Variants in DRC8 observed in about 807,000 individuals in gnomAD.
The protein encoded by DRC8 is dynein regulatory complex protein 8.
chr1:245,081,407 C>T, the DRC8 span, among the ~76,000 whole-genome samples: 2 of 152,126 alleles, frequency 1.3e-5, no homozygotes, highest in African/African-American at 4.8e-5. Context: ...GTGATCCACC[C>T]ACCTCGGCCT....
At chr1:245,109,954 G>C in the DRC8 span, among the ~76,000 whole-genome samples, 1 of 152,206 alleles carries the variant, frequency 6.6e-6, no homozygotes, top group Admixed American at 6.5e-5. Flanking sequence ...TCTTTATTAA[G>C]CGTGTGTTAT....
chr1:245,060,375 T>C, the DRC8 span, among the ~76,000 whole-genome samples: 24 of 152,080 alleles, frequency 1.6e-4, no homozygotes, highest in Non-Finnish European at 3.1e-4. Flanking sequence ...TTATGTAAAG[T>C]TAAGGAAGGG....
chr1:245,001,596 G>GAC, the DRC8 span, among the ~76,000 whole-genome samples: 1 of 152,178 alleles, frequency 6.6e-6, no homozygotes, highest in Non-Finnish European at 1.5e-5. Flanking sequence ...AGCCAGGGAG[G>GAC]TTTTCCTGTG....
chr1:245,117,037 G>C, the DRC8 span, among the ~76,000 whole-genome samples: 1 of 152,152 alleles, frequency 6.6e-6, no homozygotes, highest in Non-Finnish European at 1.5e-5. Context: ...CATTCAGATT[G>C]TTGTTATTAA....
At chr1:244,970,309 C>A in the DRC8 span, 2 of 994,136 alleles carry the variant, frequency 2.0e-6, no homozygotes, top group Non-Finnish European at 2.9e-6. Context: ...CCCCGGGATT[C>A]AGAGCGGCCC....
At chr1:245,105,312 C>G in the DRC8 span, among the ~76,000 whole-genome samples, 1 of 152,104 alleles carries the variant, frequency 6.6e-6, no homozygotes, top group Non-Finnish European at 1.5e-5. Flanking sequence ...TTGCCATTAA[C>G]ATTATTTTAG....
At chr1:245,021,175 TAATA>T in the DRC8 span, among the ~76,000 whole-genome samples, 2 of 152,148 alleles carry the variant, frequency 1.3e-5, no homozygotes, top group Admixed American at 6.5e-5. Context: ...TTAAATGAAT[TAATA>T]AATACATATT....
At chr1:245,054,287 A>G in the DRC8 span, among the ~76,000 whole-genome samples, 2 of 152,068 alleles carry the variant, frequency 1.3e-5, no homozygotes, top group East Asian at 1.9e-4. Context: ...TCTGGGCTCA[A>G]GTGATCCTCA....
the DRC8 span, among the ~76,000 whole-genome samples, chr1:245,088,315 G>GACAC: frequency 0.11 from 15,672 of 145,440 alleles, 862 homozygotes; most frequent in South Asian, 0.15. This position sits in a 1 kb window ranked among gnomAD's most constrained non-coding sequence, Gnocchi z 4.6. Flanking sequence ...GTTATAACAA[G>GACAC]ACACACACAC....
At chr1:245,059,427 C>T in the DRC8 span, 59 of 1,612,268 alleles carry the variant, frequency 3.7e-5, no homozygotes, top group East Asian at 8.5e-4. Flanking sequence ...TGCTGTCCTA[C>T]GGAAGGAGAG....
chr1:245,008,762 G>A, the DRC8 span, among the ~76,000 whole-genome samples: 2 of 149,628 alleles, frequency 1.3e-5, no homozygotes, highest in Non-Finnish European at 3.0e-5. Flanking sequence ...TTGAACTCCT[G>A]GGCTTAAGGG....
the DRC8 span, among the ~76,000 whole-genome samples, chr1:245,015,168 G>A: frequency 1.3e-5 from 2 of 152,106 alleles, no homozygotes; most frequent in African/African-American, 4.8e-5. Flanking sequence ...CCAGGCTGGC[G>A]TGCAGTAGTG....
At chr1:245,037,576 T>G in the DRC8 span, among the ~76,000 whole-genome samples, 1 of 152,296 alleles carries the variant, frequency 6.6e-6, no homozygotes, top group Non-Finnish European at 1.5e-5. Flanking sequence ...GATAAAGATA[T>G]CCGCATTTGC....
chr1:245,087,647 G>A, the DRC8 span: 44 of 1,046,476 alleles, frequency 4.2e-5, no homozygotes, highest in Admixed American at 5.5e-5. Context: ...GGTCACCTTC[G>A]AATTAATTAA....
At chr1:244,992,424 C>T in the DRC8 span, among the ~76,000 whole-genome samples, 1 of 152,152 alleles carries the variant, frequency 6.6e-6, no homozygotes, top group Non-Finnish European at 1.5e-5. Flanking sequence ...TCTTAAACAA[C>T]TAGGATTACA....
the DRC8 span, among the ~76,000 whole-genome samples, chr1:245,004,985 T>C: frequency 2.4e-4 from 37 of 152,254 alleles, no homozygotes; most frequent in Non-Finnish European, 4.6e-4. Context: ...GTTTTTATAA[T>C]GAAAAGATGT....
the DRC8 span, among the ~76,000 whole-genome samples, chr1:245,068,181 G>T: frequency 1.6e-4 from 25 of 152,122 alleles, no homozygotes; most frequent in Non-Finnish European, 3.4e-4. Flanking sequence ...TTCAAAAGTG[G>T]TTTTTTCTTT....
At chr1:244,970,654 CCGCCT>C in the DRC8 span, 2 of 62,136 alleles carry the variant, frequency 3.2e-5, no homozygotes, top group Non-Finnish European at 6.7e-5. Context: ...CCGCCCCGCC[CCGCCT>C]CTCTCCCCCG....
chr1:245,005,864 G>A, the DRC8 span, among the ~76,000 whole-genome samples: 1 of 152,170 alleles, frequency 6.6e-6, no homozygotes, highest in African/African-American at 2.4e-5. Context: ...CGTGAGTGAC[G>A]AATGGGAGAT....
Sources: gnomAD v4.1 joint callset for allele counts (sites outside exome capture counted in the v4.1 genomes callset) on GRCh38, gnomAD v4.1.1 for gene constraint, Gnocchi (gnomAD v3.1) non-coding constraint, MANE v1.5 for transcripts, NCBI Gene and HGNC (gene_info 2026-07-23, HGNC 2026-07-21) for gene names.